Variants in SEMA4B observed in about 807,000 individuals in gnomAD.
SEMA4B encodes the protein semaphorin-4B.
Under a neutral mutation model 88.1 loss-of-function variants are expected in SEMA4B, and 55 were observed. That is an observed-to-expected ratio of 0.62 (90% CI 0.50 to 0.78). SEMA4B has a LOEUF of 0.78. Among genes scored for constraint, SEMA4B ranks in the 30% least tolerant of loss-of-function variants. SEMA4B has a pLI of 0.00. For synonymous variants in SEMA4B, 525 were observed against 473.6 expected (o/e 1.11, Z -1.41); for missense variants, 1,062 against 1,111.9 (o/e 0.96, Z 0.64).
At chr15:90,222,971 T>TATACA (rs3029968) in intron 7 of SEMA4B, among the ~76,000 whole-genome samples, 20 of 123,654 alleles carry the variant, frequency 1.6e-4, no homozygotes, top group South Asian at 2.3e-4. Context: ...TATATATACA[T>TATACA]TTTTTTTTTT....
rs951559866 is a variant in SEMA4B, at chr15:90,206,577, A to G, written c.157+4842A>G. 1.5e-5 allele frequency: 8 copies of G among 524,828 alleles called. No homozygotes were observed. In the African/African-American group the frequency reaches 1.5e-4, roughly 10 times the overall value. The allele number at this position is 524,828 out of a possible 1,614,324, so 32.5% of individuals were successfully genotyped here. A position where few individuals can be genotyped will look rare whatever the true frequency, so the allele number is the denominator to read the frequency against. On this transcript the variant is annotated intron_variant, in intron 1 of 13. Coordinates refer to ENST00000411539, the MANE Select transcript of SEMA4B (RefSeq NM_198925.4). Reference sequence around the variant, plus strand: ...CACCCGTAACCCACTGCCATGGCCGAGGAAGGCATTGCTGCTGGAGGGGTA... The same window carrying G: ...CACCCGTAACCCACTGCCATGGCCGGGGAAGGCATTGCTGCTGGAGGGGTA...
upstream of SEMA4B, among the ~76,000 whole-genome samples, chr15:90,199,825 C>CAA (rs879807608): frequency 7.0e-6 from 1 of 143,224 alleles, no homozygotes; most frequent in Non-Finnish European, 1.5e-5. Flanking sequence ...GACTCTGTCT[C>CAA]AAAAAAAAAA....
upstream of SEMA4B, among the ~76,000 whole-genome samples, chr15:90,201,022 C>A (rs763279447): frequency 6.6e-6 from 1 of 152,190 alleles, no homozygotes; most frequent in Non-Finnish European, 1.5e-5. Context: ...TCCCTAGGCG[C>A]ATAGCGGGGA....
At chr15:90,226,114 G>A (rs1265284574) in intron 12 of SEMA4B, among the ~76,000 whole-genome samples, 2 of 152,140 alleles carry the variant, frequency 1.3e-5, no homozygotes, top group Non-Finnish European at 2.9e-5. Context: ...ACGTGCTTTA[G>A]TAATAGTAGG....
chr15:90,226,074 C>A (rs577183363), intron 12 of SEMA4B, among the ~76,000 whole-genome samples: 8 of 152,112 alleles, frequency 5.3e-5, no homozygotes, highest in Non-Finnish European at 1.0e-4. Context: ...CTTTGAAAAG[C>A]CTTGCAGGAA....
intron 1 of SEMA4B, among the ~76,000 whole-genome samples, chr15:90,211,472 G>A (rs1181915517): frequency 2.6e-5 from 4 of 152,150 alleles, no homozygotes; most frequent in Non-Finnish European, 4.4e-5. Context: ...TCAGGGACTC[G>A]ACTCTGGCAC....
chr15:90,189,217 A>AGG (rs1960275197), intron 1 of SEMA4B, among the ~76,000 whole-genome samples: 1 of 151,996 alleles, frequency 6.6e-6, no homozygotes, highest in Non-Finnish European at 1.5e-5. Context: ...AAAGGTAGGA[A>AGG]GGAGGGAGGG....
intron 1 of SEMA4B, chr15:90,206,809 T>C: frequency 2.7e-6 from 2 of 737,394 alleles, no homozygotes; most frequent in East Asian, 2.5e-5. Flanking sequence ...TTAAGGTTGA[T>C]GACAAAAGAA....
chr15:90,196,431 G>A (rs1960509272), upstream of SEMA4B, among the ~76,000 whole-genome samples: 1 of 152,036 alleles, frequency 6.6e-6, no homozygotes, highest in Non-Finnish European at 1.5e-5. Flanking sequence ...TCCACCCAAT[G>A]GTTTCCCATC....
chr15:90,197,749 T>C (rs974977418), upstream of SEMA4B, among the ~76,000 whole-genome samples: 154 of 151,666 alleles, frequency 1.0e-3, no homozygotes, highest in African/African-American at 3.7e-3. Flanking sequence ...GCTCACCCAA[T>C]ATTTTTATCA....
rs200363021 is a variant in SEMA4B, at chr15:90,219,793, C to A, written c.385C>A (p.Arg129Ser). 4 of 1,612,128 alleles carry A rather than the reference C, an allele frequency of 2.5e-6. No individual in the cohort carries two copies. Among genetic ancestry groups the A allele is most frequent in the Non-Finnish European group, 3.4e-6 (4 of 1,178,944 alleles). The part of the protein sequence containing the change: ...QCSFKGKDPQ[R>S]DCQNYIKILL... ...ATATCCCCTCGCTCCTTCCCCCCAG[C>A]GCGACTGTCAAAACTACATCAAGAT... Residue 129 changes from arginine (R) to serine (S), a missense_variant and splice_region_variant, in exon 4 of 14, where the codon CGC becomes AGC. Coordinates refer to ENST00000411539, the MANE Select transcript of SEMA4B (RefSeq NM_198925.4).
intron 9 of SEMA4B, 44 bp downstream of exon 9, chr15:90,224,032 G>A: frequency 1.3e-6 from 2 of 1,576,922 alleles, no homozygotes; most frequent in Non-Finnish European, 1.7e-6. Context: ...CCGGGAAGAT[G>A]TGGGTCCCCA....
At chr15:90,214,308 A>T (rs1372914757) in intron 1 of SEMA4B, among the ~76,000 whole-genome samples, 22 of 136,562 alleles carry the variant, frequency 1.6e-4, no homozygotes, top group African/African-American at 6.9e-4. Context: ...AGCCTGGACA[A>T]CAAGAGAGAA....
intron 1 of SEMA4B, among the ~76,000 whole-genome samples, chr15:90,194,235 A>G (rs1017280549): frequency 2.6e-5 from 4 of 152,078 alleles, no homozygotes; most frequent in African/African-American, 9.7e-5. Context: ...TTCAGCCTAT[A>G]AAAGATATTG....
chr15:90,200,522 A>G (rs1960665616), upstream of SEMA4B, among the ~76,000 whole-genome samples: 1 of 152,216 alleles, frequency 6.6e-6, no homozygotes, highest in Non-Finnish European at 1.5e-5. Flanking sequence ...AGAATCTGCT[A>G]ATGGTCCAGG....
chr15:90,188,446 G>T (rs1960238559), intron 1 of SEMA4B, among the ~76,000 whole-genome samples: 1 of 151,480 alleles, frequency 6.6e-6, no homozygotes, highest in African/African-American at 2.4e-5. Flanking sequence ...TGGCCAACAT[G>T]GTGAAACCCT....
intron 1 of SEMA4B, among the ~76,000 whole-genome samples, chr15:90,209,927 A>G (rs1168248281): frequency 6.6e-6 from 1 of 152,130 alleles, no homozygotes; most frequent in South Asian, 2.1e-4. Flanking sequence ...AGCTTGGACG[A>G]CGGGGTGCTA....
chr15:90,185,185 C>T lies in SEMA4B; in HGVS notation c.-122+104C>T, dbSNP rs558392321. The T allele has an allele frequency of 6.9e-5, 42 of 605,592 alleles. No individual in the cohort carries two copies. In the South Asian group the frequency reaches 2.4e-3, roughly 34 times the overall value. 37.5% of individuals were successfully genotyped at this position (605,592 alleles called of 1,614,324 possible). A position where few individuals can be genotyped will look rare whatever the true frequency, so the allele number is the denominator to read the frequency against. On this transcript the variant is annotated intron_variant, in intron 1 of 14. Coordinates refer to the SEMA4B transcript ENST00000332496. ...GCTGCCCCCACCCTTGCACCCGCAC[C>T]TCCCGCCCGGCCCCTCTCCCCAGAA... is the stretch of plus-strand genomic sequence containing the variant.
chr15:90,195,153 G>A (rs1038174712), intron 1 of SEMA4B, among the ~76,000 whole-genome samples: 14 of 151,670 alleles, frequency 9.2e-5, no homozygotes, highest in African/African-American at 3.4e-4. Flanking sequence ...AGGCTGGAGT[G>A]CAACAGCATG....
Sources: gnomAD v4.1 joint callset for allele counts (sites outside exome capture counted in the v4.1 genomes callset) on GRCh38, gnomAD v4.1.1 for gene constraint, MANE v1.5 for transcripts, NCBI Gene and HGNC (gene_info 2026-07-23, HGNC 2026-07-21) for gene names.